Variants in NFXL1 observed in about 807,000 individuals in gnomAD.
NFXL1 encodes the protein nuclear transcription factor, X-box binding like 1.
A neutral mutation model predicts 123.3 loss-of-function variants in NFXL1; 66 were observed. That is an observed-to-expected ratio of 0.54 (90% CI 0.44 to 0.66). NFXL1 has a LOEUF of 0.66. Among genes scored for constraint, NFXL1 ranks in the 30% least tolerant of loss-of-function variants. NFXL1 has a pLI of 0.00. For missense variants in NFXL1, 944 were observed against 1,125.6 expected (o/e 0.84, Z 2.31); for synonymous variants, 346 against 360.8 (o/e 0.96, Z 0.46).
At chr4:47,904,275 G>A (rs989504356) in intron 4 of NFXL1, among the ~76,000 whole-genome samples, 1 of 152,124 alleles carries the variant, frequency 6.6e-6, no homozygotes, top group African/African-American at 2.4e-5. Context: ...AGGAGGTTGG[G>A]GCATTCACCT....
intron 18 of NFXL1, among the ~76,000 whole-genome samples, chr4:47,872,474 A>G (rs1370993914): frequency 2.0e-5 from 3 of 151,548 alleles, no homozygotes; most frequent in Non-Finnish European, 4.4e-5. Flanking sequence ...AAAAAAAAAA[A>G]AAAGAAAAAA....
chr4:47,898,221 C>A, intron 8 of NFXL1, 140 bp from the exon 9 acceptor site: 2 of 597,424 alleles, frequency 3.3e-6, no homozygotes, highest in Non-Finnish European at 6.0e-6. Context: ...ATATTTTATA[C>A]AGGTGTCATA....
intron 15 of NFXL1, chr4:47,882,350 T>C (rs576722945): frequency 4.6e-5 from 7 of 152,106 alleles, no homozygotes; most frequent in Non-Finnish European, 8.8e-5. Flanking sequence ...GAAAAGGTGA[T>C]GATGATGACA....
At chr4:47,878,226 A>G (rs974754757) in intron 17 of NFXL1, among the ~76,000 whole-genome samples, 17 of 152,094 alleles carry the variant, frequency 1.1e-4, no homozygotes, top group African/African-American at 4.1e-4. Context: ...CTATCTAAGA[A>G]GATACATAAC....
At chr4:47,910,662 T>A (rs1201745931) in intron 3 of NFXL1, among the ~76,000 whole-genome samples, 162 bp downstream of exon 3, 1 of 152,208 alleles carries the variant, frequency 6.6e-6, no homozygotes, top group African/African-American at 2.4e-5. Flanking sequence ...TGTTACACAA[T>A]ATATAACTCA....
chr4:47,853,292 T>C (rs1439402802), intron 20 of NFXL1, among the ~76,000 whole-genome samples: 2 of 152,118 alleles, frequency 1.3e-5, no homozygotes, highest in Non-Finnish European at 2.9e-5. Context: ...TTATTACACA[T>C]AGCATTGTTT....
At chr4:47,874,411 T>G (rs1735617566) in intron 18 of NFXL1, among the ~76,000 whole-genome samples, 1 of 152,222 alleles carries the variant, frequency 6.6e-6, no homozygotes, top group Non-Finnish European at 1.5e-5. Flanking sequence ...ATTTCAATAC[T>G]GTTGTTTCTT....
At chr4:47,851,027 AC>A in intron 22 of NFXL1, 67 bp downstream of exon 22, 1 of 1,151,472 alleles carries the variant, frequency 8.7e-7, no homozygotes. Flanking sequence ...CTTGGAATAT[AC>A]CCCGTGTTTG....
In NFXL1 at chr4:47,896,659, C is replaced by T. The variant is rs527239252; in HGVS notation, c.1205-12G>A. ...AGGCAAAGAAAACTCTAAAAACATA[C>T]AAAAAGTCAATGTTAATAATGAGAC... On this transcript the variant is annotated splice_polypyrimidine_tract_variant and intron_variant, in intron 9 of 22. Transcript: ENST00000507489. 16 of 1,585,968 alleles carry T rather than the reference C, an allele frequency of 1.0e-5. No homozygotes were observed. The Admixed American group carries it at 2.5e-4, about 25-fold the overall frequency.
intron 10 of NFXL1, among the ~76,000 whole-genome samples, chr4:47,895,338 C>T (rs1737022751): frequency 6.6e-6 from 1 of 152,140 alleles, no homozygotes; most frequent in South Asian, 2.1e-4. Flanking sequence ...TATTCTTTGA[C>T]GGTTTGAAGC....
At chr4:47,868,764 A>G (rs1350338103) in intron 18 of NFXL1, among the ~76,000 whole-genome samples, 1 of 152,244 alleles carries the variant, frequency 6.6e-6, no homozygotes, top group Non-Finnish European at 1.5e-5. Flanking sequence ...CTTGCCTACT[A>G]AAATGAAAAA....
intron 2 of NFXL1, among the ~76,000 whole-genome samples, chr4:47,912,509 G>T (rs1282086036): frequency 6.8e-6 from 1 of 147,152 alleles, no homozygotes; most frequent in South Asian, 2.1e-4. Flanking sequence ...GCCCAGGCTG[G>T]AGTGCAGTGG....
At chr4:47,866,096 G>A (rs544806138) in intron 18 of NFXL1, among the ~76,000 whole-genome samples, 61 of 150,650 alleles carry the variant, frequency 4.0e-4, no homozygotes, top group Non-Finnish European at 7.4e-4. Flanking sequence ...CCGGGAAGAA[G>A]GTAAAAAGGG....
intron 17 of NFXL1, among the ~76,000 whole-genome samples, chr4:47,877,815 G>A (rs567539919): frequency 6.6e-6 from 1 of 152,038 alleles, no homozygotes; most frequent in African/African-American, 2.4e-5. Context: ...TAAATTTAAT[G>A]TTAATAATAA....
In NFXL1 at chr4:47,910,876, T is replaced by C. The variant is rs774822705; in HGVS notation, c.354A>G (p.Gly118=). The change falls in exon 3 of 23, where the codon GGA becomes GGG. Residue 118 remains glycine, a synonymous_variant. Transcript: ENST00000507489. The part of the protein sequence containing the change: ...SSEEGDEDFE[G]KQGKILANTF... Reference sequence around the variant, plus strand: ...TATTTGCAAGTATTTTTCCCTGTTTTCCTTCAAAATCTTCATCTCCTTCTT... The same window carrying C: ...TATTTGCAAGTATTTTTCCCTGTTTCCCTTCAAAATCTTCATCTCCTTCTT... 1 of 1,603,242 alleles carries C rather than the reference T, an allele frequency of 6.2e-7. No homozygotes were observed. The highest frequency in any genetic ancestry group is 8.5e-7 in the Non-Finnish European group (1 of 1,175,052).
intron 20 of NFXL1, among the ~76,000 whole-genome samples, chr4:47,852,857 C>G (rs1734202699): frequency 6.6e-6 from 1 of 151,960 alleles, no homozygotes; most frequent in African/African-American, 2.4e-5. Flanking sequence ...CCCTCAGACT[C>G]TAGTTTTTTG....
intron 15 of NFXL1, among the ~76,000 whole-genome samples, chr4:47,881,174 T>A (rs1054214663): frequency 4.3e-4 from 65 of 152,062 alleles, no homozygotes; most frequent in African/African-American, 1.5e-3. Context: ...TAATATATAT[T>A]TTCAAATAGC....
At chr4:47,874,158 T>A (rs556877405) in intron 18 of NFXL1, among the ~76,000 whole-genome samples, 19 of 152,334 alleles carry the variant, frequency 1.2e-4, no homozygotes, top group African/African-American at 4.3e-4. Flanking sequence ...GCAATAAGGC[T>A]GCTTTGCTTT....
At chr4:47,904,406 AC>A (rs1441431912) in intron 4 of NFXL1, among the ~76,000 whole-genome samples, 5 of 152,090 alleles carry the variant, frequency 3.3e-5, no homozygotes, top group Non-Finnish European at 5.9e-5. Flanking sequence ...GAAAAAACGC[AC>A]ACACACAGCA....
Sources: gnomAD v4.1 joint callset for allele counts (sites outside exome capture counted in the v4.1 genomes callset) on GRCh38, gnomAD v4.1.1 for gene constraint, MANE v1.5 for transcripts, NCBI Gene and HGNC (gene_info 2026-07-23, HGNC 2026-07-21) for gene names.